Variants in ATG7 observed in about 807,000 individuals in gnomAD.
The protein encoded by ATG7 is ubiquitin-like modifier-activating enzyme ATG7.
In ATG7, 70 loss-of-function variants were observed where a neutral mutation model predicts 82.4. The ratio of observed to expected loss-of-function variants is 0.85; its 90% CI spans 0.70 to 1.04. ATG7 has a LOEUF of 1.04. ATG7 is among the 50% of genes least tolerant of loss of function. The probability of loss-of-function intolerance (pLI) is 0.00; values close to 1 mark genes in which losing one functional copy is unlikely to be tolerated. For synonymous variants in ATG7, 287 were observed against 313.0 expected (o/e 0.92, Z 0.88); for missense variants, 792 against 864.3 (o/e 0.92, Z 1.05).
chr3:11,465,842 G>A (rs1301801840), intron 20 of ATG7, among the ~76,000 whole-genome samples: 1 of 151,994 alleles, frequency 6.6e-6, no homozygotes, highest in Non-Finnish European at 1.5e-5. Context: ...AAAAACCCAG[G>A]GATAAGAAGA....
chr3:11,546,888 C>A lies in ATG7; in HGVS notation c.2080-7923C>A, dbSNP rs561152097. Among the ~76,000 whole-genome samples the A allele has an allele frequency of 1.8e-4, 28 of 152,380 alleles. No homozygotes were observed. In the South Asian group the frequency reaches 5.8e-3, roughly 32 times the overall value. ...GAGGGGCTGAGCCCACCCTTGCCAGCGGAGAGCAGCACAGGCTGATGCCAT... is the reference window on the plus strand; with the variant it reads ...GAGGGGCTGAGCCCACCCTTGCCAGAGGAGAGCAGCACAGGCTGATGCCAT... On this transcript the variant is annotated intron_variant, in intron 20 of 20. Coordinates refer to ENST00000693202, the MANE Select transcript of ATG7 (RefSeq NM_001349232.2).
intron 20 of ATG7, among the ~76,000 whole-genome samples, chr3:11,469,858 C>T (rs893484104): frequency 5.9e-5 from 9 of 151,888 alleles, no homozygotes; most frequent in African/African-American, 2.2e-4. Flanking sequence ...GGCATGGTGG[C>T]ATGTACCTGT....
chr3:11,488,670 G>A (rs1430974392), intron 20 of ATG7, among the ~76,000 whole-genome samples: 2 of 152,176 alleles, frequency 1.3e-5, no homozygotes, highest in African/African-American at 4.8e-5. Context: ...AGATGTGAAT[G>A]ATTCTTCTGG....
chr3:11,426,730 G>A (rs1178778449), intron 19 of ATG7, 74 bp from the exon 20 acceptor site: 2 of 1,354,232 alleles, frequency 1.5e-6, no homozygotes, highest in Admixed American at 2.7e-5. Flanking sequence ...ACAAGAGCTT[G>A]TTAGAAGTGA....
At chr3:11,495,870 C>A (rs1337361199) in intron 20 of ATG7, among the ~76,000 whole-genome samples, 1 of 152,144 alleles carries the variant, frequency 6.6e-6, no homozygotes, top group Non-Finnish European at 1.5e-5. Context: ...ATGGAATGGC[C>A]AACAGCAAGA....
chr3:11,538,247 AC>A (rs1291950532), intron 20 of ATG7, among the ~76,000 whole-genome samples: 1 of 152,262 alleles, frequency 6.6e-6, no homozygotes, highest in African/African-American at 2.4e-5. Flanking sequence ...CTCAACGCTG[AC>A]CTGTCAGCTG....
chr3:11,486,139 G>A (rs1361257386), intron 20 of ATG7, among the ~76,000 whole-genome samples: 2 of 152,138 alleles, frequency 1.3e-5, no homozygotes, highest in African/African-American at 4.8e-5. Flanking sequence ...GGGCAGTATG[G>A]CCATTTTCAT....
intron 20 of ATG7, among the ~76,000 whole-genome samples, chr3:11,442,739 CAAAA>C (rs57073881): frequency 0.032 from 2,198 of 69,088 alleles, 78 homozygotes; most frequent in Middle Eastern, 0.045. Flanking sequence ...TCCATCTCTA[CAAAA>C]AAAAAAAAAA....
chr3:11,508,277 T>C (rs9863444), intron 20 of ATG7, among the ~76,000 whole-genome samples: 5,340 of 151,354 alleles, frequency 0.035, 324 homozygotes, highest in African/African-American at 0.12. Flanking sequence ...CTGAGCCACG[T>C]TGGAAGAATA....
At chr3:11,300,054 AGCTGGGACTACAAGCTCACGCCATCAT>A (rs1473093128) in intron 5 of ATG7, among the ~76,000 whole-genome samples, 8 of 152,018 alleles carry the variant, frequency 5.3e-5, no homozygotes, top group South Asian at 2.1e-4. Flanking sequence ...CCTCCCAAGT[AGCTGGGACTACAAGCTCACGCCATCAT>A]GCCTGGCTAA....
intron 20 of ATG7, among the ~76,000 whole-genome samples, chr3:11,462,089 G>A (rs754485603): frequency 1.3e-5 from 2 of 151,892 alleles, no homozygotes; most frequent in African/African-American, 4.8e-5. Flanking sequence ...CAAATAACTC[G>A]AGGATATCTG....
intron 20 of ATG7, among the ~76,000 whole-genome samples, chr3:11,545,492 G>A (rs1050889191): frequency 4.6e-5 from 7 of 152,082 alleles, no homozygotes; most frequent in Non-Finnish European, 1.0e-4. Context: ...GCCTGCAGCC[G>A]CTCCTTCCTC....
At chr3:11,380,527 T>C (rs2077812888) in intron 19 of ATG7, among the ~76,000 whole-genome samples, 1 of 152,222 alleles carries the variant, frequency 6.6e-6, no homozygotes, top group African/African-American at 2.4e-5. Flanking sequence ...AGCTTTGATC[T>C]TTCCAGAAGC....
intron 1 of ATG7, among the ~76,000 whole-genome samples, chr3:11,276,733 T>A (rs990335246): frequency 6.6e-6 from 1 of 152,164 alleles, no homozygotes; most frequent in Non-Finnish European, 1.5e-5. Flanking sequence ...TCCCTCAATT[T>A]CCATTGTGGG....
intron 18 of ATG7, among the ~76,000 whole-genome samples, chr3:11,371,555 C>A (rs1003123039): frequency 6.6e-6 from 1 of 150,958 alleles, no homozygotes; most frequent in Non-Finnish European, 1.5e-5. Context: ...AATCAGAAGA[C>A]AGCCTAATCC....
intron 20 of ATG7, among the ~76,000 whole-genome samples, chr3:11,504,885 G>A (rs534928849): frequency 6.6e-6 from 1 of 152,286 alleles, no homozygotes; most frequent in Non-Finnish European, 1.5e-5. Context: ...TTGAAATGGT[G>A]GAAAGATAGG....
At chr3:11,322,021 G>T (rs2152738507) in intron 9 of ATG7, among the ~76,000 whole-genome samples, 1 of 152,276 alleles carries the variant, frequency 6.6e-6, no homozygotes, top group South Asian at 2.1e-4. Flanking sequence ...GGACATCCAA[G>T]AAAGTTTTAC....
At position 11,546,785 on chromosome 3, in the gene ATG7, G is replaced by A. The variant is rs181538236; in HGVS notation, c.2080-8026G>A. On this transcript the variant is annotated intron_variant, in intron 20 of 20. Transcript: ENST00000693202. ...GGTCCCTCTTCCCCTAATGCAGAGT[G>A]GCAGCCCATCCCTGCCCTCTTCCAT... Among the ~76,000 whole-genome samples, 168 of 152,346 alleles carry A rather than the reference G, an allele frequency of 1.1e-3. 2 individuals carry two copies. Among genetic ancestry groups the A allele is most frequent in the African/African-American group, 3.8e-3 (160 of 41,574 alleles).
At chr3:11,285,159 TA>T (rs1256439739) in intron 3 of ATG7, among the ~76,000 whole-genome samples, 61 of 118,840 alleles carry the variant, frequency 5.1e-4, no homozygotes, top group South Asian at 1.1e-3. Flanking sequence ...TTTTTTTTTT[TA>T]AAAGCCCGGC....
Sources: gnomAD v4.1 joint callset for allele counts (sites outside exome capture counted in the v4.1 genomes callset) on GRCh38, gnomAD v4.1.1 for gene constraint, MANE v1.5 for transcripts, NCBI Gene and HGNC (gene_info 2026-07-23, HGNC 2026-07-21) for gene names.